STK24: variants seen among roughly 807,000 people sequenced by gnomAD.
The protein encoded by STK24 is serine/threonine kinase 24, also known as serine/threonine-protein kinase 24.
Under a neutral mutation model 55.6 loss-of-function variants are expected in STK24, and 21 were observed. The ratio of observed to expected loss-of-function variants is 0.38; its 90% CI spans 0.27 to 0.54. STK24 has a LOEUF of 0.54. Ranked by LOEUF, STK24 falls within the 20% of genes least tolerant of loss-of-function variation. STK24 has a pLI of 0.79. For missense variants in STK24, 383 were observed against 538.4 expected (o/e 0.71, Z 2.86); for synonymous variants, 200 against 215.2 (o/e 0.93, Z 0.62).
intron 2 of STK24, among the ~76,000 whole-genome samples, chr13:98,494,408 G>A (rs1366057376): frequency 2.6e-4 from 3 of 11,386 alleles, no homozygotes; most frequent in Admixed American, 6.8e-4. Flanking sequence ...AGCCAGACTC[G>A]TCTCAAAAAA....
chr13:98,461,198 C>G (rs1019298220), intron 8 of STK24, among the ~76,000 whole-genome samples: 5 of 152,200 alleles, frequency 3.3e-5, no homozygotes, highest in African/African-American at 1.2e-4. Context: ...CATTTAACAC[C>G]TGTTCACTTA....
At chr13:98,508,269 T>C (rs1316612837) in intron 2 of STK24, among the ~76,000 whole-genome samples, 1 of 152,194 alleles carries the variant, frequency 6.6e-6, no homozygotes, top group African/African-American at 2.4e-5. Flanking sequence ...ATGGATTAAC[T>C]ACATTAAAAT....
In STK24 at chr13:98,548,511, C is replaced by T. The variant is rs557451979; in HGVS notation, c.42+28234G>A. On this transcript the variant is annotated intron_variant, in intron 1 of 10. Coordinates refer to ENST00000539966, the MANE Select transcript of STK24 (RefSeq NM_001032296.4). ...AAGGGTTTACCCTCAAATCACACAG[C>T]TGATGATGCGTACACTTCACTATTA... 2.0e-5 allele frequency among the ~76,000 whole-genome samples: 3 copies of T among 152,312 alleles called. No individual in the cohort carries two copies. In the East Asian group the frequency reaches 5.8e-4, roughly 29 times the overall value.
intron 1 of STK24, among the ~76,000 whole-genome samples, chr13:98,564,265 A>G (rs1897508598): frequency 2.0e-5 from 3 of 152,224 alleles, no homozygotes; most frequent in Admixed American, 2.0e-4. Context: ...TCATTTCATC[A>G]GTGGGAAAAA....
chr13:98,469,653 T>C (rs1894068666), intron 5 of STK24, among the ~76,000 whole-genome samples: 1 of 152,004 alleles, frequency 6.6e-6, no homozygotes, highest in Non-Finnish European at 1.5e-5. Flanking sequence ...TAAATCCAGC[T>C]GCAACCCAGG....
At chr13:98,474,680 CCAAGGTT>C in intron 5 of STK24, 134 bp downstream of exon 5, 1 of 1,096,082 alleles carries the variant, frequency 9.1e-7, no homozygotes, top group East Asian at 2.4e-5. Context: ...CTGTTCATAA[CCAAGGTT>C]GAAGAATTAC....
chr13:98,526,085 A>T (rs1594640571), intron 1 of STK24, among the ~76,000 whole-genome samples: 1 of 152,162 alleles, frequency 6.6e-6, no homozygotes, highest in South Asian at 2.1e-4. Context: ...AGTGCGGTGG[A>T]GGGAGGAGCA....
chr13:98,514,646 A>G (rs1419742119), intron 2 of STK24, among the ~76,000 whole-genome samples: 2 of 152,250 alleles, frequency 1.3e-5, no homozygotes, highest in Admixed American at 6.5e-5. Context: ...TAATGACACT[A>G]CAACAAAAAC....
intron 3 of STK24, among the ~76,000 whole-genome samples, chr13:98,478,103 C>A (rs1422694392): frequency 1.3e-5 from 2 of 152,212 alleles, no homozygotes; most frequent in Non-Finnish European, 2.9e-5. Flanking sequence ...TGTCTACCCC[C>A]CAGAGTGCCT....
At chr13:98,550,320 C>T (rs151161819) in intron 1 of STK24, among the ~76,000 whole-genome samples, 53 of 152,306 alleles carry the variant, frequency 3.5e-4, no homozygotes, top group East Asian at 2.3e-3. Flanking sequence ...GGGAAGATCG[C>T]GTGAGCCCAG....
At chr13:98,525,686 ACCGAGCCTCGAGCC>A (rs1387235670) in intron 1 of STK24, among the ~76,000 whole-genome samples, 1 of 152,102 alleles carries the variant, frequency 6.6e-6, no homozygotes, top group Non-Finnish European at 1.5e-5. Flanking sequence ...TCCCGAGCTC[ACCGAGCCTCGAGCC>A]CCACAAGCCG....
intron 1 of STK24, among the ~76,000 whole-genome samples, chr13:98,568,480 G>A (rs1292540208): frequency 6.6e-6 from 1 of 152,126 alleles, no homozygotes; most frequent in Non-Finnish European, 1.5e-5. Context: ...AGGAAATGAT[G>A]AAAATATATT....
intron 8 of STK24, 91 bp from the exon 9 acceptor site, chr13:98,460,531 G>A (rs556295508): frequency 2.0e-5 from 21 of 1,060,378 alleles, no homozygotes; most frequent in Middle Eastern, 2.4e-4. Context: ...CTATGGAAGC[G>A]CAGGAGTTGC....
intron 2 of STK24, among the ~76,000 whole-genome samples, chr13:98,518,908 GTTT>G (rs1306684354): frequency 1.3e-5 from 2 of 152,186 alleles, no homozygotes; most frequent in South Asian, 4.1e-4. Context: ...GTTGGTATGA[GTTT>G]TTAATACTAA....
rs1327333411 is a variant in STK24 at position 98,446,857 on chromosome 13, G to T, written c.*6316C>A. On this transcript the variant is annotated 3_prime_UTR_variant, in exon 11 of 11. Coordinates refer to ENST00000539966, the MANE Select transcript of STK24 (RefSeq NM_001032296.4). ...CCCACGCACAGGGCCCTGCAGAAGA[G>T]GACCCCCTCTTCCAAACATCAGGAT... 5.0e-6 allele frequency: 8 copies of T among 1,605,010 alleles called. No individual in the cohort carries two copies. The highest frequency in any genetic ancestry group is 6.0e-6 in the Non-Finnish European group (7 of 1,173,268).
At chr13:98,547,790 C>G (rs1897063276) in intron 1 of STK24, among the ~76,000 whole-genome samples, 1 of 152,176 alleles carries the variant, frequency 6.6e-6, no homozygotes, top group South Asian at 2.1e-4. Context: ...TCTTTGTGAC[C>G]AAAGGAGCAA....
intron 1 of STK24, among the ~76,000 whole-genome samples, chr13:98,526,805 T>C (rs535287674): frequency 1.4e-3 from 219 of 152,296 alleles, no homozygotes; most frequent in African/African-American, 5.1e-3. Context: ...GGACCACAAA[T>C]GGCTTCCTGG....
chr13:98,514,101 C>T (rs561410115), intron 2 of STK24, among the ~76,000 whole-genome samples: 61 of 152,304 alleles, frequency 4.0e-4, no homozygotes, highest in African/African-American at 1.4e-3. Context: ...CTGAGAATCA[C>T]GGTGTTTTTC....
At chr13:98,512,740 G>T (rs145118918) in intron 2 of STK24, among the ~76,000 whole-genome samples, 8 of 152,242 alleles carry the variant, frequency 5.3e-5, no homozygotes, top group African/African-American at 1.9e-4. Flanking sequence ...GGCAGGTGAG[G>T]ACCTCCAGTC....
Sources: gnomAD v4.1 joint callset for allele counts (sites outside exome capture counted in the v4.1 genomes callset) on GRCh38, gnomAD v4.1.1 for gene constraint, MANE v1.5 for transcripts, NCBI Gene and HGNC (gene_info 2026-07-23, HGNC 2026-07-21) for gene names.